The following GSG1L variants were observed in gnomAD, a reference collection of about 807,000 sequenced individuals.
The protein encoded by GSG1L is GSG1 like, also known as germ cell-specific gene 1-like protein.
GSG1L carries 24 observed loss-of-function variants against 42.1 expected under a neutral mutation model. The observed-to-expected ratio is 0.57, with a 90% confidence interval of 0.41 to 0.80. GSG1L has a LOEUF of 0.80. Ranked by LOEUF, GSG1L falls within the 30% of genes least tolerant of loss-of-function variation. The pLI, the probability that GSG1L is intolerant of heterozygous loss-of-function variation, is 0.00. For missense variants in GSG1L, 445 were observed against 472.2 expected, an observed-to-expected ratio of 0.94 and a Z score of 0.53; for synonymous variants, 215 against 203.5, an observed-to-expected ratio of 1.06 and a Z score of -0.48.
At chr16:27,909,135 C>T (rs892445383) in intron 2 of GSG1L, among the ~76,000 whole-genome samples, 1 of 152,054 alleles carries the variant, frequency 6.6e-6, no homozygotes, top group African/African-American at 2.4e-5. Flanking sequence ...GGAGGGGCTT[C>T]ATGTAGTGTC....
chr16:27,995,860 T>C (rs1210254685), intron 1 of GSG1L, among the ~76,000 whole-genome samples: 1 of 150,162 alleles, frequency 6.7e-6, no homozygotes, highest in Non-Finnish European at 1.5e-5. Context: ...TCTCAGGTCT[T>C]AGGAAGTTCC....
At chr16:27,836,721 A>C (rs568894823) in intron 4 of GSG1L, among the ~76,000 whole-genome samples, 1 of 151,878 alleles carries the variant, frequency 6.6e-6, no homozygotes, top group Admixed American at 6.6e-5. Flanking sequence ...TCTATCTTCT[A>C]CTTCTTTCCT....
At chr16:27,937,457 G>A (rs13329736) in intron 2 of GSG1L, among the ~76,000 whole-genome samples, 277 of 151,998 alleles carry the variant, frequency 1.8e-3, no homozygotes, top group Admixed American at 3.6e-3. Flanking sequence ...GGCCAGGCAG[G>A]TCTTGAACTC....
chr16:27,876,462 T>C lies in GSG1L; in HGVS notation c.550+8024A>G, dbSNP rs201576171. Among the ~76,000 whole-genome samples, 5 of 152,312 alleles carry C rather than the reference T, an allele frequency of 3.3e-5. No individual in the cohort carries two copies. The East Asian group carries it at 9.6e-4, about 29-fold the overall frequency. On this transcript the variant is annotated intron_variant, in intron 3 of 6. Transcript: ENST00000447459. ...TAGATCTGAGCTTCCTGGCAGCCGA[T>C]GGAAAAAGGCAAACTCAGTGAGCGC...
At chr16:27,942,386 G>GGTCTGTTGGCTGTTGTGAATAATGCTGC (rs2084810639) in intron 2 of GSG1L, among the ~76,000 whole-genome samples, 2 of 150,366 alleles carry the variant, frequency 1.3e-5, no homozygotes, top group Non-Finnish European at 1.5e-5. Context: ...CTGACCTCAG[G>GGTCTGTTGGCTGTTGTGAATAATGCTGC]TGATCCACTT....
intron 1 of GSG1L, among the ~76,000 whole-genome samples, chr16:28,039,958 C>T (rs905219903): frequency 6.6e-6 from 1 of 152,202 alleles, no homozygotes; most frequent in African/African-American, 2.4e-5. Context: ...CCCCGCGCCC[C>T]TCCCTCGTTT....
chr16:27,906,054 A>C (rs1033646632), intron 2 of GSG1L, among the ~76,000 whole-genome samples: 1 of 152,192 alleles, frequency 6.6e-6, no homozygotes, highest in African/African-American at 2.4e-5. Flanking sequence ...ATCCACGGGA[A>C]TATACAAGTT....
chr16:27,952,163 C>G (rs1485567505), intron 2 of GSG1L, among the ~76,000 whole-genome samples: 1 of 152,234 alleles, frequency 6.6e-6, no homozygotes, highest in Admixed American at 6.5e-5. Flanking sequence ...TATCTATAAC[C>G]TGGCCCCTAT....
chr16:27,924,774 G>A (rs767766809), intron 2 of GSG1L, among the ~76,000 whole-genome samples: 6 of 152,142 alleles, frequency 3.9e-5, no homozygotes, highest in Non-Finnish European at 7.3e-5. Flanking sequence ...CACAGAAAGG[G>A]CGTTTTCATA....
chr16:27,934,491 C>A (rs570798529), intron 2 of GSG1L, among the ~76,000 whole-genome samples: 1 of 151,998 alleles, frequency 6.6e-6, no homozygotes, highest in Admixed American at 6.6e-5. Flanking sequence ...GTCTAGATTG[C>A]GCCATTGCAC....
chr16:27,901,831 C>A (rs1048119034), intron 2 of GSG1L, among the ~76,000 whole-genome samples: 3 of 152,196 alleles, frequency 2.0e-5, no homozygotes, highest in African/African-American at 7.2e-5. Context: ...CACTGCCTAC[C>A]CTTTGTCATC....
chr16:28,034,601 T>A (rs1279521298), intron 1 of GSG1L, among the ~76,000 whole-genome samples: 1 of 152,028 alleles, frequency 6.6e-6, no homozygotes, highest in African/African-American at 2.4e-5. Flanking sequence ...GTTGGACTTG[T>A]CATCCCATGG....
At chr16:27,953,223 G>A (rs912071870) in intron 2 of GSG1L, among the ~76,000 whole-genome samples, 1 of 152,104 alleles carries the variant, frequency 6.6e-6, no homozygotes, top group Non-Finnish European at 1.5e-5. Context: ...ACAAGTAGCT[G>A]GGAGTACAGG....
intron 2 of GSG1L, among the ~76,000 whole-genome samples, chr16:27,960,717 G>T (rs1056342784): frequency 1.3e-5 from 2 of 152,170 alleles, no homozygotes; most frequent in Non-Finnish European, 2.9e-5. Context: ...GTATACATGG[G>T]GGGAGGCCAC....
intron 2 of GSG1L, among the ~76,000 whole-genome samples, chr16:27,952,912 C>T (rs1385656220): frequency 6.6e-6 from 1 of 152,180 alleles, no homozygotes; most frequent in African/African-American, 2.4e-5. Context: ...CCAAGCCCTC[C>T]GCAAGTTCCC....
chr16:27,841,824 A>AG (rs1008426416), intron 4 of GSG1L, among the ~76,000 whole-genome samples: 43 of 152,286 alleles, frequency 2.8e-4, no homozygotes, highest in African/African-American at 1.0e-3. Flanking sequence ...CCTGGCTTCC[A>AG]GGGAAAGAAT....
intron 1 of GSG1L, among the ~76,000 whole-genome samples, chr16:28,029,932 G>A (rs892819328): frequency 6.6e-6 from 1 of 152,214 alleles, no homozygotes; most frequent in Admixed American, 6.5e-5. Flanking sequence ...CATGTGGGCA[G>A]TGTGTACAGA....
chr16:27,897,625 C>G (rs2084206433), intron 2 of GSG1L, among the ~76,000 whole-genome samples: 1 of 152,186 alleles, frequency 6.6e-6, no homozygotes, highest in Admixed American at 6.5e-5. Context: ...TTCAAAATCA[C>G]TTCCTCCCCG....
chr16:27,979,733 A>AAGAAAAAT, intron 1 of GSG1L, among the ~76,000 whole-genome samples: 1 of 65,362 alleles, frequency 1.5e-5, no homozygotes, highest in East Asian at 4.0e-4. Context: ...GAAGGAAAGA[A>AAGAAAAAT]AAAGAAAGAA....
Sources: allele counts gnomAD v4.1 joint callset (sites outside exome capture counted in the v4.1 genomes callset), GRCh38; gene constraint gnomAD v4.1.1; transcripts MANE v1.5; gene names NCBI Gene and HGNC (gene_info 2026-07-23, HGNC 2026-07-21).